Variants in CAPZB observed in about 807,000 individuals in gnomAD.
CAPZB encodes capping actin protein of muscle Z-line subunit beta.
CAPZB carries 2 observed loss-of-function variants against 38.1 expected under a neutral mutation model. That is an observed-to-expected ratio of 0.05 (90% CI 0.02 to 0.17). The LOEUF is 0.17. Among genes scored for constraint, CAPZB ranks in the 10% least tolerant of loss-of-function variants. The probability of loss-of-function intolerance (pLI) is 1.00; values close to 1 mark genes in which losing one functional copy is unlikely to be tolerated. For missense variants in CAPZB, 161 were observed against 334.2 expected (o/e 0.48, Z 4.04); for synonymous variants, 107 against 127.4 (o/e 0.84, Z 1.08).
chr1:19,458,112 A>AAC (rs2094538844), intron 1 of CAPZB, among the ~76,000 whole-genome samples: 1 of 151,962 alleles, frequency 6.6e-6, no homozygotes, highest in South Asian at 2.1e-4. Context: ...AAAAAAAAAA[A>AAC]AAAACACTAA....
chr1:19,476,875 T>C (rs556913151), intron 1 of CAPZB, among the ~76,000 whole-genome samples: 1 of 152,212 alleles, frequency 6.6e-6, no homozygotes, highest in Non-Finnish European at 1.5e-5. Flanking sequence ...TTTCCTCATC[T>C]ATAAAATAAA....
At chr1:19,427,478 T>C (rs185851608) in intron 1 of CAPZB, among the ~76,000 whole-genome samples, 102 of 152,366 alleles carry the variant, frequency 6.7e-4, no homozygotes, top group Admixed American at 1.3e-3. Context: ...TCTTGTATAA[T>C]CCGTGACCCA....
chr1:19,346,452 TAAAAAAAAAAAAAAAAA>T (rs200968507), intron 6 of CAPZB, among the ~76,000 whole-genome samples: 1 of 73,252 alleles, frequency 1.4e-5, no homozygotes, highest in Non-Finnish European at 2.7e-5. Flanking sequence ...TGAGAGAAGC[TAAAAAAAAAAAAAAAAA>T]AAAAAAAAAG....
intron 6 of CAPZB, among the ~76,000 whole-genome samples, chr1:19,348,654 C>T (rs2093975423): frequency 6.6e-6 from 1 of 150,880 alleles, no homozygotes; most frequent in Admixed American, 6.6e-5. Flanking sequence ...GCTCACTGGG[C>T]TGGACTCGGT....
intron 6 of CAPZB, among the ~76,000 whole-genome samples, chr1:19,346,698 G>A (rs2093962796): frequency 6.6e-6 from 1 of 151,996 alleles, no homozygotes; most frequent in Non-Finnish European, 1.5e-5. Flanking sequence ...AGAGCGGGGT[G>A]AGCAGAGGGC....
chr1:19,443,010 C>A (rs1284267525), intron 1 of CAPZB, among the ~76,000 whole-genome samples: 2 of 152,024 alleles, frequency 1.3e-5, no homozygotes, highest in Non-Finnish European at 2.9e-5. Context: ...GACTTCATAC[C>A]CTTCCCCCAA....
In CAPZB at chr1:19,385,419, C is replaced by A. The variant is rs368167105; in HGVS notation, c.215+86G>T. The A allele has an allele frequency of 2.6e-6, 4 of 1,543,782 alleles. No individual in the cohort carries two copies. The East Asian group carries it at 6.8e-5, about 26-fold the overall frequency. Reference sequence around the variant, plus strand: ...TGAATGGGCTGCCAGCTGCCCAAGTCCAAGGTCCCCGTGCTCTGCAGCAGG... The same window carrying A: ...TGAATGGGCTGCCAGCTGCCCAAGTACAAGGTCCCCGTGCTCTGCAGCAGG... On this transcript the variant is annotated intron_variant, in intron 3 of 8. Coordinates refer to ENST00000264202, the MANE Select transcript of CAPZB (RefSeq NM_004930.5).
At chr1:19,418,942 G>A (rs529189571) in intron 2 of CAPZB, among the ~76,000 whole-genome samples, 4 of 152,370 alleles carry the variant, frequency 2.6e-5, no homozygotes, top group South Asian at 4.1e-4. Context: ...AGGGACTCAC[G>A]TTCCAAACCC....
At chr1:19,483,731 C>CA (rs1273856353) in intron 1 of CAPZB, among the ~76,000 whole-genome samples, 1 of 152,232 alleles carries the variant, frequency 6.6e-6, no homozygotes, top group African/African-American at 2.4e-5. Flanking sequence ...CGTTCTCCAT[C>CA]AAGGCCTGGG....
intron 1 of CAPZB, among the ~76,000 whole-genome samples, chr1:19,431,192 A>G (rs2094440638): frequency 1.3e-5 from 2 of 152,228 alleles, no homozygotes; most frequent in Non-Finnish European, 2.9e-5. Context: ...GAACAGCCCT[A>G]ACCCAAAAAT....
chr1:19,480,477 G>T (rs1169792097), intron 1 of CAPZB, among the ~76,000 whole-genome samples: 1 of 152,164 alleles, frequency 6.6e-6, no homozygotes, highest in Non-Finnish European at 1.5e-5. Context: ...GCAGGCAGCC[G>T]CCTCTCAGCT....
intron 1 of CAPZB, among the ~76,000 whole-genome samples, chr1:19,470,698 G>A (rs1268316948): frequency 2.0e-5 from 3 of 152,208 alleles, no homozygotes; most frequent in Non-Finnish European, 2.9e-5. Context: ...CAGAGGCTGA[G>A]GGCAAAGGCT....
intron 6 of CAPZB, among the ~76,000 whole-genome samples, chr1:19,347,441 G>C (rs1292415116): frequency 2.6e-5 from 4 of 152,122 alleles, no homozygotes; most frequent in Admixed American, 2.6e-4. Context: ...GGGCAGGATG[G>C]AGCCTCTGCC....
intron 1 of CAPZB, among the ~76,000 whole-genome samples, chr1:19,434,262 C>A (rs1222261126): frequency 6.6e-6 from 1 of 152,170 alleles, no homozygotes; most frequent in Non-Finnish European, 1.5e-5. Flanking sequence ...CAATTAAGGT[C>A]TGAATAATTC....
intron 6 of CAPZB, among the ~76,000 whole-genome samples, chr1:19,346,389 G>C (rs1224650771): frequency 7.0e-6 from 1 of 142,886 alleles, no homozygotes; most frequent in Non-Finnish European, 1.5e-5. Flanking sequence ...TTCTAAATCT[G>C]CTTAGACATT....
At chr1:19,433,942 G>A (rs183115525) in intron 1 of CAPZB, among the ~76,000 whole-genome samples, 131 of 152,312 alleles carry the variant, frequency 8.6e-4, no homozygotes, top group African/African-American at 2.9e-3. Flanking sequence ...ACAGAATTCT[G>A]CAACAACTGG....
chr1:19,348,043 C>A (rs770101509), intron 6 of CAPZB, among the ~76,000 whole-genome samples: 1 of 152,140 alleles, frequency 6.6e-6, no homozygotes, highest in Non-Finnish European at 1.5e-5. Flanking sequence ...TCAAGTTTGA[C>A]AAGGATGAGA....
intron 1 of CAPZB, among the ~76,000 whole-genome samples, chr1:19,468,476 A>G (rs1246971364): frequency 6.6e-6 from 1 of 152,142 alleles, no homozygotes; most frequent in Non-Finnish European, 1.5e-5. Flanking sequence ...GGAGGCGCTC[A>G]GGGAATGATG....
rs1280535955 is a variant in CAPZB at position 19,381,085 on chromosome 1, C to T, written c.216-2432G>A. Among the ~76,000 whole-genome samples, 4 of 152,080 alleles carry T rather than the reference C, an allele frequency of 2.6e-5. 1 individual carries two copies. In the South Asian group the frequency reaches 6.2e-4, roughly 24 times the overall value. On this transcript the variant is annotated intron_variant, in intron 3 of 8. Coordinates refer to ENST00000264202, the MANE Select transcript of CAPZB (RefSeq NM_004930.5). The stretch of plus-strand genomic sequence containing the variant: ...TCAGGAGGCTGAGGCAGGAGAATCA[C>T]TTGAACCCAGAAGGCGGAGGCTGCA...
Sources: gnomAD v4.1 joint callset for allele counts (sites outside exome capture counted in the v4.1 genomes callset) on GRCh38, gnomAD v4.1.1 for gene constraint, MANE v1.5 for transcripts, NCBI Gene and HGNC (gene_info 2026-07-23, HGNC 2026-07-21) for gene names.